The following BEAN1 variants were observed in gnomAD, a reference collection of about 807,000 sequenced individuals.
BEAN1 encodes the protein brain expressed associated with NEDD4 1, also known as protein BEAN1.
BEAN1 carries 17 observed loss-of-function variants against 17.7 expected under a neutral mutation model. The observed-to-expected ratio is 0.96, with a 90% CI of 0.66 to 1.44. The LOEUF is 1.44. BEAN1 is among the 40% of genes most tolerant of loss of function. The pLI is 0.00. For synonymous variants in BEAN1, 142 were observed against 151.8 expected, an observed-to-expected ratio of 0.94 and a Z score of 0.47; for missense variants, 359 against 374.1, an observed-to-expected ratio of 0.96 and a Z score of 0.33.
intron 2 of BEAN1, among the ~76,000 whole-genome samples, chr16:66,448,487 A>T (rs1453218055): frequency 6.6e-6 from 1 of 152,210 alleles, no homozygotes; most frequent in East Asian, 1.9e-4. Flanking sequence ...ACCAACCATC[A>T]GTGCAAGCTC....
chr16:66,449,606 C>CAA (rs35721774), intron 2 of BEAN1, among the ~76,000 whole-genome samples: 2,818 of 83,242 alleles, frequency 0.034, 282 homozygotes, highest in African/African-American at 0.13. Context: ...GACTCCATCT[C>CAA]AAAAAAAAAA....
chr16:66,491,775 C>T (rs1964178982), intron 4 of BEAN1, among the ~76,000 whole-genome samples: 1 of 152,180 alleles, frequency 6.6e-6, no homozygotes, highest in Admixed American at 6.5e-5. Context: ...GGTTCCACTC[C>T]TATGAGAATC....
At chr16:66,479,188 C>T (rs1407873052) in intron 4 of BEAN1, 3 of 152,120 alleles carry the variant, frequency 2.0e-5, no homozygotes, top group African/African-American at 4.8e-5. Context: ...AGACCTGAGC[C>T]CTTGGTTCCT....
intron 2 of BEAN1, among the ~76,000 whole-genome samples, chr16:66,463,219 T>C (rs1567498161): frequency 6.6e-6 from 1 of 152,238 alleles, no homozygotes; most frequent in Non-Finnish European, 1.5e-5. Context: ...GAACTGCCAG[T>C]CTGTGTTCAC....
At chr16:66,484,761 A>T (rs1567512665), downstream of BEAN1, 1 of 454,086 alleles carries the variant, frequency 2.2e-6, no homozygotes, top group South Asian at 1.6e-5. This position sits in a 1 kb window ranked among gnomAD's most constrained non-coding sequence, Gnocchi z 4.2. Context: ...GCGCAGTCCC[A>T]CTGGTGACTC....
At chr16:66,453,370 T>C (rs953420748) in intron 2 of BEAN1, among the ~76,000 whole-genome samples, 25 of 146,378 alleles carry the variant, frequency 1.7e-4, no homozygotes, top group African/African-American at 5.4e-4. Context: ...CACACACACA[T>C]TGTTTTGTTT....
intron 2 of BEAN1, among the ~76,000 whole-genome samples, chr16:66,452,820 A>G (rs2075603842): frequency 6.6e-6 from 1 of 152,114 alleles, no homozygotes; most frequent in Admixed American, 6.6e-5. Flanking sequence ...ACGGCCCCAG[A>G]GTAACGAAGG....
At chr16:66,485,268 T>G, downstream of BEAN1, 1 of 371,910 alleles carries the variant, frequency 2.7e-6, no homozygotes, top group Non-Finnish European at 5.3e-6. Flanking sequence ...CCTCCTGTGG[T>G]TTCGTGGACA....
At chr16:66,437,870 C>T (rs1355744051) in intron 2 of BEAN1, 169 bp downstream of exon 2, 16 of 848,610 alleles carry the variant, frequency 1.9e-5, no homozygotes, top group Middle Eastern at 2.2e-4. Context: ...AGACCCCTGA[C>T]GTCTGCAAGA....
downstream of BEAN1, among the ~76,000 whole-genome samples, chr16:66,486,544 C>T (rs768804868): frequency 5.3e-5 from 8 of 152,172 alleles, no homozygotes; most frequent in Non-Finnish European, 7.3e-5. Context: ...TGTGAGCCAC[C>T]GCACCCAGCC....
chr16:66,485,522 G>A (rs998839858), downstream of BEAN1: 9 of 229,336 alleles, frequency 3.9e-5, no homozygotes, highest in East Asian at 6.3e-4. Flanking sequence ...GCACGTCCTC[G>A]GGGCCAGAGG....
At chr16:66,478,189 C>T (rs1262524916) in intron 4 of BEAN1, 1 of 153,160 alleles carries the variant, frequency 6.5e-6, no homozygotes, top group Non-Finnish European at 1.5e-5. Flanking sequence ...GGGACAAGCC[C>T]ATATGCTGAC....
intron 2 of BEAN1, among the ~76,000 whole-genome samples, chr16:66,453,435 T>G (rs1243755861): frequency 1.3e-5 from 2 of 152,118 alleles, no homozygotes; most frequent in Non-Finnish European, 2.9e-5. Context: ...CATAGCTCAC[T>G]GTAACCTTGA....
At chr16:66,472,917 G>A (rs1963539466) in intron 3 of BEAN1, among the ~76,000 whole-genome samples, 1 of 152,006 alleles carries the variant, frequency 6.6e-6, no homozygotes, top group South Asian at 2.1e-4. Context: ...AGCTATTCAG[G>A]AGGCTGAGTC....
chr16:66,460,347 G>C (rs1241113357), intron 2 of BEAN1, among the ~76,000 whole-genome samples: 1 of 152,242 alleles, frequency 6.6e-6, no homozygotes, highest in African/African-American at 2.4e-5. Context: ...AGAGTTTAGA[G>C]CCTGATGGAT....
At chr16:66,475,652 C>G (rs1181671611) in intron 3 of BEAN1, 2 of 152,218 alleles carry the variant, frequency 1.3e-5, no homozygotes, top group African/African-American at 4.8e-5. Context: ...TAAGTTCTTC[C>G]AAAAATTCTG....
chr16:66,438,878 A>C (rs1962139203), intron 2 of BEAN1, among the ~76,000 whole-genome samples: 1 of 152,136 alleles, frequency 6.6e-6, no homozygotes, highest in Non-Finnish European at 1.5e-5. Flanking sequence ...CTCCTTGATA[A>C]GTCAGGACTG....
intron 4 of BEAN1, among the ~76,000 whole-genome samples, chr16:66,488,538 A>G (rs80045074): frequency 6.7e-6 from 1 of 148,196 alleles, no homozygotes; most frequent in Non-Finnish European, 1.5e-5. Context: ...AAAAAAAAAA[A>G]AACTGTTTTA....
intron 1 of BEAN1, among the ~76,000 whole-genome samples, chr16:66,431,355 C>T (rs906275385): frequency 3.9e-5 from 6 of 152,148 alleles, no homozygotes; most frequent in African/African-American, 1.4e-4. Flanking sequence ...CACTTAATTG[C>T]TTTTCATTTT....
Sources: gnomAD v4.1 joint callset for allele counts (sites outside exome capture counted in the v4.1 genomes callset) on GRCh38, gnomAD v4.1.1 for gene constraint, Gnocchi (gnomAD v3.1) non-coding constraint, MANE v1.5 for transcripts, NCBI Gene and HGNC (gene_info 2026-07-23, HGNC 2026-07-21) for gene names.